SLC2A13: variants seen among roughly 807,000 people sequenced by gnomAD.
The protein encoded by SLC2A13 is proton myo-inositol cotransporter.
Under a neutral mutation model 64.4 loss-of-function variants are expected in SLC2A13, and 32 were observed. That is an observed-to-expected ratio of 0.50 (90% CI 0.37 to 0.67). SLC2A13 has a LOEUF of 0.67. Among genes scored for constraint, SLC2A13 ranks in the 30% least tolerant of loss-of-function variants. The pLI is 0.00. For synonymous variants in SLC2A13, 338 were observed against 327.1 expected (o/e 1.03, Z -0.36); for missense variants, 743 against 829.2 (o/e 0.90, Z 1.28).
chr12:39,987,628 G>A (rs188810753), intron 3 of SLC2A13, among the ~76,000 whole-genome samples: 4 of 152,222 alleles, frequency 2.6e-5, no homozygotes, highest in African/African-American at 7.2e-5. Context: ...TTTATACACT[G>A]TTTTTTCTTA....
intron 3 of SLC2A13, among the ~76,000 whole-genome samples, chr12:40,007,596 T>G (rs1287229893): frequency 2.0e-5 from 3 of 152,174 alleles, no homozygotes; most frequent in Non-Finnish European, 4.4e-5. Flanking sequence ...GGTATCCTTA[T>G]ATAGTACATT....
rs1025288111 is a variant in SLC2A13, at chr12:39,758,088, T to A, written c.*1938A>T. 2.0e-5 allele frequency: 3 copies of A among 151,572 alleles called. No homozygotes were observed. Among genetic ancestry groups the A allele is most frequent in the Admixed American group, 1.3e-4 (2 of 15,208 alleles). 9.4% of individuals were successfully genotyped at this position (151,572 alleles called of 1,614,324 possible). A position where few individuals can be genotyped will look rare whatever the true frequency, so the allele number is the denominator to read the frequency against. ...TAATAATTTTCCCTATTAAATCATA[T>A]CTGCTTTTCTGAGGAAAAAATCAAT... is the stretch of plus-strand genomic sequence containing the variant. On this transcript the variant is annotated 3_prime_UTR_variant, in exon 10 of 10. Transcript: ENST00000280871.
At chr12:40,009,117 T>A (rs191763046) in intron 3 of SLC2A13, among the ~76,000 whole-genome samples, 1 of 152,300 alleles carries the variant, frequency 6.6e-6, no homozygotes, top group South Asian at 2.1e-4. Context: ...TTTGTGTGTG[T>A]GTGTCTGGAA....
chr12:39,864,912 A>C lies in SLC2A13; in HGVS notation c.1199-30T>G, dbSNP rs370113400. On this transcript the variant is annotated intron_variant, in intron 5 of 9. Coordinates refer to ENST00000280871, the MANE Select transcript of SLC2A13 (RefSeq NM_052885.4). ...AAAAAAAAAAGTTTTATATTAGAGAAGAGTTGACAATATTGTTTTAAGGCA... is the reference window on the plus strand; with the variant it reads ...AAAAAAAAAAGTTTTATATTAGAGACGAGTTGACAATATTGTTTTAAGGCA... The C allele has an allele frequency of 2.2e-5, 35 of 1,593,074 alleles. No homozygotes were observed. The Admixed American group carries it at 6.0e-4, about 27-fold the overall frequency.
chr12:39,839,649 G>A (rs1323485915), intron 6 of SLC2A13, among the ~76,000 whole-genome samples: 1 of 151,940 alleles, frequency 6.6e-6, no homozygotes, highest in Non-Finnish European at 1.5e-5. Flanking sequence ...CTCAGATAGT[G>A]GCATCTTCAT....
chr12:39,794,062 A>G (rs1390262322), intron 7 of SLC2A13, among the ~76,000 whole-genome samples: 2 of 146,530 alleles, frequency 1.4e-5, no homozygotes, highest in Non-Finnish European at 3.0e-5. Context: ...CTCCCTCTAA[A>G]TTACTCTTTT....
intron 3 of SLC2A13, among the ~76,000 whole-genome samples, chr12:40,007,158 C>A (rs998406942): frequency 3.3e-5 from 5 of 152,122 alleles, no homozygotes. Context: ...GAGAGAAGTG[C>A]CCAATGTGAA....
chr12:40,024,314 T>A (rs549873038), intron 3 of SLC2A13, among the ~76,000 whole-genome samples: 1 of 152,254 alleles, frequency 6.6e-6, no homozygotes, highest in Non-Finnish European at 1.5e-5. Context: ...AAAAGATGTA[T>A]AGTTAGTTCT....
chr12:39,998,161 A>G (rs1000917416), intron 3 of SLC2A13, among the ~76,000 whole-genome samples: 1 of 152,218 alleles, frequency 6.6e-6, no homozygotes, highest in African/African-American at 2.4e-5. Flanking sequence ...AAATTGTGGT[A>G]TGTATATATA....
intron 3 of SLC2A13, among the ~76,000 whole-genome samples, chr12:39,997,801 A>G (rs1356159348): frequency 1.3e-5 from 2 of 152,200 alleles, no homozygotes; most frequent in Non-Finnish European, 2.9e-5. Context: ...ACTGCACTCC[A>G]GCCTGGGTGA....
intron 6 of SLC2A13, among the ~76,000 whole-genome samples, chr12:39,858,906 G>A (rs1010919979): frequency 2.6e-5 from 4 of 151,956 alleles, no homozygotes; most frequent in African/African-American, 9.7e-5. Flanking sequence ...GTGCCCGACC[G>A]TTTTTACACA....
At chr12:40,076,003 A>T (rs1319535719) in intron 1 of SLC2A13, among the ~76,000 whole-genome samples, 1 of 152,186 alleles carries the variant, frequency 6.6e-6, no homozygotes, top group Non-Finnish European at 1.5e-5. Flanking sequence ...CAGTTACCAA[A>T]GCCAATTTAA....
In SLC2A13 at chr12:39,896,542, ATGTG is replaced by A. The variant is rs200302558; in HGVS notation, c.1035-24585_1035-24582del. Among the ~76,000 whole-genome samples the A allele has an allele frequency of 1.0e-3, 142 of 142,686 alleles. 2 individuals carry two copies. The highest frequency in any genetic ancestry group is 1.6e-3 in the Non-Finnish European group (108 of 66,244). The allele number at this position is 142,686 out of a possible 152,430, so 93.6% of individuals were successfully genotyped here. ...TATACATGTATACATGTATGTATGT[ATGTG>A]TGTATACATGTATACATATATGTAT... On this transcript the variant is annotated intron_variant, in intron 4 of 9. Coordinates refer to ENST00000280871, the MANE Select transcript of SLC2A13 (RefSeq NM_052885.4).
At chr12:39,878,269 G>T (rs1944243406) in intron 4 of SLC2A13, among the ~76,000 whole-genome samples, 1 of 152,240 alleles carries the variant, frequency 6.6e-6, no homozygotes, top group South Asian at 2.1e-4. Context: ...AAATGTGGAA[G>T]TGACGTTGGC....
chr12:39,980,126 G>C (rs1813277743), intron 3 of SLC2A13, among the ~76,000 whole-genome samples: 1 of 151,630 alleles, frequency 6.6e-6, no homozygotes, highest in African/African-American at 2.4e-5. Context: ...CAAATGCTGA[G>C]AGATTTTGTC....
chr12:39,970,504 G>C (rs976858540), intron 3 of SLC2A13, among the ~76,000 whole-genome samples: 1 of 151,900 alleles, frequency 6.6e-6, no homozygotes, highest in Non-Finnish European at 1.5e-5. Context: ...ACAGAATTTT[G>C]TTCCTCCTCT....
chr12:39,873,476 T>A (rs183335443), intron 4 of SLC2A13, among the ~76,000 whole-genome samples: 1,920 of 152,192 alleles, frequency 0.013, 22 homozygotes, highest in Non-Finnish European at 0.02. Flanking sequence ...TTAACATAAA[T>A]ACCAAATCTA....
In SLC2A13 at chr12:39,759,958, G is replaced by A; in HGVS notation, c.*68C>T. On this transcript the variant is annotated 3_prime_UTR_variant, in exon 10 of 10. Transcript: ENST00000280871. ...AGAACCAGATTAGAAGCAGGGCAGTGAAGTCACCAATTGCTGTTCTTCTCC... is the reference window on the plus strand; with the variant it reads ...AGAACCAGATTAGAAGCAGGGCAGTAAAGTCACCAATTGCTGTTCTTCTCC... 1 of 1,188,182 alleles carries A rather than the reference G, an allele frequency of 8.4e-7. No individual in the cohort carries two copies. The highest frequency in any genetic ancestry group is 2.4e-5 in the East Asian group (1 of 42,158). 73.6% of individuals were successfully genotyped at this position (1,188,182 alleles called of 1,614,324 possible).
At chr12:39,777,451 T>TA (rs1200882974) in intron 7 of SLC2A13, among the ~76,000 whole-genome samples, 1 of 152,058 alleles carries the variant, frequency 6.6e-6, no homozygotes, top group Non-Finnish European at 1.5e-5. Flanking sequence ...CTTTAAATGA[T>TA]ATGGAAGGGA....
Sources: gnomAD v4.1 joint callset for allele counts (sites outside exome capture counted in the v4.1 genomes callset) on GRCh38, gnomAD v4.1.1 for gene constraint, MANE v1.5 for transcripts, NCBI Gene and HGNC (gene_info 2026-07-23, HGNC 2026-07-21) for gene names.